Variants in YTHDF2 observed in about 807,000 individuals in gnomAD.
The protein encoded by YTHDF2 is YTH N6-methyladenosine RNA binding protein F2, also known as YTH domain-containing family protein 2.
A neutral mutation model predicts 50.4 loss-of-function variants in YTHDF2; 2 were observed. The observed-to-expected ratio is 0.04, with a 90% CI of 0.02 to 0.12. The LOEUF (loss-of-function observed/expected upper bound fraction) is 0.12. Among genes scored for constraint, YTHDF2 ranks in the 10% least tolerant of loss-of-function variants. The pLI is 1.00. For missense variants in YTHDF2, 483 were observed against 722.6 expected, an observed-to-expected ratio of 0.67 and a Z score of 3.80; for synonymous variants, 217 against 255.6, an observed-to-expected ratio of 0.85 and a Z score of 1.44.
At chr1:28,736,881 G>T, upstream of YTHDF2, 1 of 469,194 alleles carries the variant, frequency 2.1e-6, no homozygotes, top group Non-Finnish European at 3.8e-6. Context: ...CTCTGCTTTA[G>T]GCGGTGGGGG....
At chr1:28,751,090 C>CAAAAA (rs56916547) in intron 4 of YTHDF2, among the ~76,000 whole-genome samples, 5 of 33,754 alleles carry the variant, frequency 1.5e-4, no homozygotes, top group Admixed American at 3.9e-4. Flanking sequence ...GAGACTGTCT[C>CAAAAA]AAAAAAAAAA....
chr1:28,756,118 C>T (rs1182847410), intron 4 of YTHDF2, among the ~76,000 whole-genome samples: 2 of 152,266 alleles, frequency 1.3e-5, no homozygotes, highest in East Asian at 1.9e-4. Flanking sequence ...TTTGCAGAGT[C>T]GGTATCTTTC....
At chr1:28,758,473 A>G (rs2088066712) in intron 4 of YTHDF2, among the ~76,000 whole-genome samples, 1 of 152,208 alleles carries the variant, frequency 6.6e-6, no homozygotes, top group Non-Finnish European at 1.5e-5. Flanking sequence ...GTTGGAACGT[A>G]AGTATGTAAG....
rs1258034445 is a variant in YTHDF2, at chr1:28,737,065, C to G, written c.-56C>G. 1 of 1,558,798 alleles carries G rather than the reference C, an allele frequency of 6.4e-7. No homozygotes were observed. The highest frequency in any genetic ancestry group is 8.7e-7 in the Non-Finnish European group (1 of 1,153,414). ...CCCGCAGACGGGGCTCATCTGCCGC[C>G]GCCGCCGCGCTGAGGAGAGTTCGCC... On this transcript the variant is annotated 5_prime_UTR_variant, in exon 1 of 5. Transcript: ENST00000373812.
chr1:28,761,154 A>ATTTTTT (rs1189968900), intron 4 of YTHDF2, among the ~76,000 whole-genome samples: 16 of 26,450 alleles, frequency 6.0e-4, no homozygotes, highest in Admixed American at 5.7e-3. Context: ...TTTTTTTTTG[A>ATTTTTT]GAGAAGGCCT....
At chr1:28,754,343 C>T (rs1368447239) in intron 4 of YTHDF2, among the ~76,000 whole-genome samples, 1 of 152,048 alleles carries the variant, frequency 6.6e-6, no homozygotes, top group Non-Finnish European at 1.5e-5. Flanking sequence ...GCCTGGCCAA[C>T]ATGGCGAAAC....
rs34047138 is a variant in YTHDF2 at position 28,753,358 on chromosome 1, C to CAAA, written c.1716+9410_1716+9412dup. 5.9e-3 allele frequency among the ~76,000 whole-genome samples: 100 copies of CAAA among 16,946 alleles called. 41 individuals carry two copies. Among genetic ancestry groups the CAAA allele is most frequent in the Non-Finnish European group, 7.3e-3 (76 of 10,350 alleles). The allele number at this position is 16,946 out of a possible 152,430, so 11.1% of individuals were successfully genotyped here. On this transcript the variant is annotated intron_variant, in intron 4 of 4. Transcript: ENST00000373812. ...GCAACATAATGAAATCCTGCCTCTCCAAAAAAAAAAAAAAAAAAAAAAAAA... is the reference window on the plus strand; with the variant it reads ...GCAACATAATGAAATCCTGCCTCTCCAAAAAAAAAAAAAAAAAAAAAAAAAAAA...
chr1:28,767,577 C>T lies in YTHDF2; in HGVS notation c.1717-1352C>T, dbSNP rs892971642. Among the ~76,000 whole-genome samples the T allele has an allele frequency of 4.6e-5, 7 of 152,070 alleles. No homozygotes were observed. The South Asian group carries it at 1.0e-3, about 23-fold the overall frequency. Reference sequence around the variant, plus strand: ...AGGCTGGAGTGCAGTGGCACGATCTCGGCTCACTGCAAGCTCCGCCTTCCG... The same window carrying T: ...AGGCTGGAGTGCAGTGGCACGATCTTGGCTCACTGCAAGCTCCGCCTTCCG... On this transcript the variant is annotated intron_variant, in intron 4 of 4. Transcript: ENST00000373812.
At chr1:28,757,026 A>C (rs914038531) in intron 4 of YTHDF2, among the ~76,000 whole-genome samples, 2 of 152,202 alleles carry the variant, frequency 1.3e-5, no homozygotes, top group Admixed American at 6.5e-5. Context: ...GTAACAGTTT[A>C]AATATGCATG....
At chr1:28,761,127 G>GTTT (rs1350271264) in intron 4 of YTHDF2, among the ~76,000 whole-genome samples, 3 of 59,950 alleles carry the variant, frequency 5.0e-5, no homozygotes, top group African/African-American at 2.1e-4. Flanking sequence ...GTGTGTGTGT[G>GTTT]TGTATTTTTT....
At position 28,742,393 on chromosome 1, in the gene YTHDF2, T is replaced by C. The variant is rs757877517; in HGVS notation, c.133-10T>C. 3 of 1,529,610 alleles carry C rather than the reference T, an allele frequency of 2.0e-6. No individual in the cohort carries two copies. The highest frequency in any genetic ancestry group is 2.6e-6 in the Non-Finnish European group (3 of 1,141,146). The allele number at this position is 1,529,610 out of a possible 1,614,324, so 94.8% of individuals were successfully genotyped here. On this transcript the variant is annotated splice_polypyrimidine_tract_variant and intron_variant, in intron 3 of 4. Transcript: ENST00000373812. ...TTGTGTTTTGATTTGCCTTTTTTTT[T>C]CTTCCACAGAATAATGCATATACTG...
At chr1:28,756,794 C>T (rs1168338776) in intron 4 of YTHDF2, among the ~76,000 whole-genome samples, 1 of 135,852 alleles carries the variant, frequency 7.4e-6, no homozygotes, top group East Asian at 1.9e-4. Flanking sequence ...GCTTTGCCTG[C>T]CTGCCTGCCT....
intron 4 of YTHDF2, among the ~76,000 whole-genome samples, 183 bp from the exon 5 acceptor site, chr1:28,768,746 T>C (rs1387544387): frequency 6.6e-6 from 1 of 152,170 alleles, no homozygotes; most frequent in Non-Finnish European, 1.5e-5. Flanking sequence ...ATTAAGGTGT[T>C]TAAGTGTTTA....
intron 2 of YTHDF2, 44 bp from the exon 3 acceptor site, chr1:28,738,215 A>AT (rs2087724322): frequency 6.8e-7 from 1 of 1,478,204 alleles, no homozygotes; most frequent in Admixed American, 1.7e-5. Flanking sequence ...TGAAAGGAAG[A>AT]TTGTAGGATT....
intron 4 of YTHDF2, among the ~76,000 whole-genome samples, chr1:28,759,210 G>A (rs991543269): frequency 5.9e-5 from 9 of 152,116 alleles, no homozygotes; most frequent in African/African-American, 2.2e-4. Flanking sequence ...GTTGATATTG[G>A]TAGAGCATGA....
chr1:28,748,130 A>G (rs2087893401), intron 4 of YTHDF2, among the ~76,000 whole-genome samples: 1 of 150,818 alleles, frequency 6.6e-6, no homozygotes, highest in Non-Finnish European at 1.5e-5. Flanking sequence ...TCCATCTCAA[A>G]AAAAAAAAAC....
intron 4 of YTHDF2, among the ~76,000 whole-genome samples, chr1:28,753,759 T>C (rs974165609): frequency 6.7e-6 from 1 of 149,044 alleles, no homozygotes; most frequent in Non-Finnish European, 1.5e-5. Context: ...CAGGCTGGAG[T>C]GCAATGGCGC....
In YTHDF2 at chr1:28,744,006, T is replaced by C; in HGVS notation, c.1716+20T>C. Reference sequence around the variant, plus strand: ...AAAAAGGTAACCCACTTCTTCTTATTAAGATTTTTAGGGAAGGAGGAACCA... The same window carrying C: ...AAAAAGGTAACCCACTTCTTCTTATCAAGATTTTTAGGGAAGGAGGAACCA... On this transcript the variant is annotated intron_variant, in intron 4 of 4. Transcript: ENST00000373812. 6.6e-7 allele frequency: 1 copy of C among 1,519,304 alleles called. No individual in the cohort carries two copies. The highest frequency in any genetic ancestry group is 8.8e-7 in the Non-Finnish European group (1 of 1,138,342). The allele number at this position is 1,519,304 out of a possible 1,614,324, so 94.1% of individuals were successfully genotyped here.
chr1:28,750,292 AT>A (rs1190619565), intron 4 of YTHDF2, among the ~76,000 whole-genome samples: 4 of 152,118 alleles, frequency 2.6e-5, no homozygotes, highest in Non-Finnish European at 4.4e-5. Flanking sequence ...CCCAGCCCAA[AT>A]TTTTTTAAGA....
Sources: gnomAD v4.1 joint callset for allele counts (sites outside exome capture counted in the v4.1 genomes callset) on GRCh38, gnomAD v4.1.1 for gene constraint, MANE v1.5 for transcripts, NCBI Gene and HGNC (gene_info 2026-07-23, HGNC 2026-07-21) for gene names.